CHRM3: variants seen among roughly 807,000 people sequenced by gnomAD.
The protein encoded by CHRM3 is muscarinic acetylcholine receptor M3.
CHRM3 carries 11 observed loss-of-function variants against 41.8 expected under a neutral mutation model. The ratio of observed to expected loss-of-function variants is 0.26; its 90% CI spans 0.17 to 0.44. The LOEUF (loss-of-function observed/expected upper bound fraction) is 0.44, where lower values mean the gene tolerates loss of function less well. CHRM3 is among the 20% of genes least tolerant of loss of function. The pLI is 1.00. For synonymous variants in CHRM3, 297 were observed against 301.4 expected, an observed-to-expected ratio of 0.99 and a Z score of 0.15; for missense variants, 571 against 745.4, an observed-to-expected ratio of 0.77 and a Z score of 2.72.
chr1:239,781,411 C>T (rs928846801), intron 5 of CHRM3, among the ~76,000 whole-genome samples: 3 of 152,152 alleles, frequency 2.0e-5, no homozygotes, highest in Non-Finnish European at 2.9e-5. Flanking sequence ...ATTGCTAGTA[C>T]AGGAAAGCAA....
At chr1:239,618,590 A>G (rs913588105) in intron 3 of CHRM3, among the ~76,000 whole-genome samples, 1 of 151,856 alleles carries the variant, frequency 6.6e-6, no homozygotes, top group Non-Finnish European at 1.5e-5. Flanking sequence ...CACGCCTGTA[A>G]TCCCAGCACT....
At chr1:239,693,704 C>T (rs1275298359) in intron 5 of CHRM3, among the ~76,000 whole-genome samples, 1 of 152,046 alleles carries the variant, frequency 6.6e-6, no homozygotes, top group East Asian at 1.9e-4. Context: ...ATAGTGGGGG[C>T]AAGGTGAGGG....
At chr1:239,433,920 A>G (rs1663030153) in intron 1 of CHRM3, among the ~76,000 whole-genome samples, 1 of 152,172 alleles carries the variant, frequency 6.6e-6, no homozygotes, top group African/African-American at 2.4e-5. Flanking sequence ...GCTGCTATAA[A>G]CATGCATGTC....
At chr1:239,652,641 G>GAAA (rs5782088) in intron 4 of CHRM3, among the ~76,000 whole-genome samples, 1 of 149,198 alleles carries the variant, frequency 6.7e-6, no homozygotes. Flanking sequence ...ACTATGACAG[G>GAAA]AAAAAAAAAA....
At chr1:239,414,984 T>C (rs1231567153) in intron 1 of CHRM3, among the ~76,000 whole-genome samples, 1 of 152,216 alleles carries the variant, frequency 6.6e-6, no homozygotes, top group East Asian at 1.9e-4. Flanking sequence ...TAATGTTTAA[T>C]AGCTGAATAT....
At chr1:239,660,653 C>G (rs1673111006) in intron 4 of CHRM3, among the ~76,000 whole-genome samples, 2 of 152,026 alleles carry the variant, frequency 1.3e-5, no homozygotes, top group African/African-American at 4.8e-5. Context: ...GAGGCTGAGA[C>G]AGGGGGATCA....
intron 1 of CHRM3, among the ~76,000 whole-genome samples, chr1:239,490,368 G>C (rs1667476240): frequency 6.6e-6 from 1 of 152,226 alleles, no homozygotes; most frequent in Admixed American, 6.5e-5. Flanking sequence ...AGTGAAAGGA[G>C]CAAACAAAGG....
In CHRM3 at chr1:239,650,129, G is replaced by A. The variant is rs529570060; in HGVS notation, c.-250+17843G>A. Among the ~76,000 whole-genome samples, 7 of 152,288 alleles carry A rather than the reference G, an allele frequency of 4.6e-5. No individual in the cohort carries two copies. In the East Asian group the frequency reaches 1.2e-3, roughly 25 times the overall value. The stretch of plus-strand genomic sequence containing the variant: ...TGCAAGAGCCCAGGCTCTGGAGTTG[G>A]CTCTCAGCTCTGTCAGTAACTGATG... On this transcript the variant is annotated intron_variant, in intron 4 of 6. Coordinates refer to ENST00000676153, the MANE Select transcript of CHRM3 (RefSeq NM_001375978.1).
At chr1:239,483,134 CTAAT>C (rs962504819) in intron 1 of CHRM3, among the ~76,000 whole-genome samples, 10 of 152,168 alleles carry the variant, frequency 6.6e-5, no homozygotes, top group African/African-American at 2.2e-4. Flanking sequence ...TTAAAATAGC[CTAAT>C]TAACAGTCTT....
At chr1:239,759,174 TTTTTTTTG>T (rs1558518523) in intron 5 of CHRM3, among the ~76,000 whole-genome samples, 1 of 144,768 alleles carries the variant, frequency 6.9e-6, no homozygotes, top group African/African-American at 2.7e-5. Context: ...TTTTTGTTTT[TTTTTTTTG>T]TTTTTTTTTT....
At chr1:239,422,879 C>T (rs577330864) in intron 1 of CHRM3, among the ~76,000 whole-genome samples, 2 of 151,794 alleles carry the variant, frequency 1.3e-5, no homozygotes, top group Middle Eastern at 6.8e-3. Flanking sequence ...AAGAAGAAAA[C>T]CCATTAACAC....
chr1:239,416,629 G>T (rs1420554769), intron 1 of CHRM3, among the ~76,000 whole-genome samples: 1 of 152,046 alleles, frequency 6.6e-6, no homozygotes, highest in Non-Finnish European at 1.5e-5. Context: ...TTTATGTCAA[G>T]AGGAAAAGGT....
chr1:239,881,975 G>A (rs10926001), intron 6 of CHRM3, among the ~76,000 whole-genome samples: 74,374 of 150,454 alleles, frequency 0.49, 19,742 homozygotes, highest in East Asian at 0.64. Flanking sequence ...GTGCCATCTT[G>A]GCTCACTGCA....
chr1:239,459,902 A>G (rs1349722315), intron 1 of CHRM3, among the ~76,000 whole-genome samples: 1 of 152,204 alleles, frequency 6.6e-6, no homozygotes, highest in African/African-American at 2.4e-5. Context: ...CAACATTTGA[A>G]GTATTCATTT....
intron 6 of CHRM3, among the ~76,000 whole-genome samples, chr1:239,857,367 G>C (rs747198234): frequency 6.6e-6 from 1 of 152,010 alleles, no homozygotes; most frequent in East Asian, 1.9e-4. Flanking sequence ...AAACTAAGGA[G>C]CCTTTCCCAA....
chr1:239,471,910 G>T lies in CHRM3; in HGVS notation c.-520-20799G>T, dbSNP rs74931438. On this transcript the variant is annotated intron_variant, in intron 1 of 6. Coordinates refer to ENST00000676153, the MANE Select transcript of CHRM3 (RefSeq NM_001375978.1). Reference sequence around the variant, plus strand: ...TGTGATTGACTGCGGGGAGGCCTGAGAAATCACACACAGGTTATTATCCAC... The same window carrying T: ...TGTGATTGACTGCGGGGAGGCCTGATAAATCACACACAGGTTATTATCCAC... 7.5e-3 allele frequency among the ~76,000 whole-genome samples: 1,143 copies of T among 152,276 alleles called. 14 individuals carry two copies. Among genetic ancestry groups the T allele is most frequent in the African/African-American group, 0.027 (1,102 of 41,544 alleles).
intron 5 of CHRM3, among the ~76,000 whole-genome samples, chr1:239,721,931 C>CT (rs1663012814): frequency 6.6e-6 from 1 of 151,580 alleles, no homozygotes; most frequent in African/African-American, 2.4e-5. Context: ...AGGACAGTGA[C>CT]TTTTTTTTAA....
At chr1:239,612,000 G>T (rs1428113381) in intron 3 of CHRM3, among the ~76,000 whole-genome samples, 1 of 152,106 alleles carries the variant, frequency 6.6e-6, no homozygotes, top group Non-Finnish European at 1.5e-5. Flanking sequence ...TAAAATAACT[G>T]CTGGATCACA....
rs1680433188 is a variant in CHRM3 at position 239,912,689 on chromosome 1, C to T, written c.*3465C>T. 1 of 167,174 alleles carries T rather than the reference C, an allele frequency of 6.0e-6. No individual in the cohort carries two copies. The highest frequency in any genetic ancestry group is 2.1e-4 in the South Asian group (1 of 4,826). 10.4% of individuals were successfully genotyped at this position (167,174 alleles called of 1,614,324 possible). ...TCTGTCACAGCGGAGAAGTCTAATACCAGAGTGGCACAGAGAAGGATTCCA... is the reference window on the plus strand; with the variant it reads ...TCTGTCACAGCGGAGAAGTCTAATATCAGAGTGGCACAGAGAAGGATTCCA... On this transcript the variant is annotated 3_prime_UTR_variant, in exon 7 of 7. Coordinates refer to ENST00000676153, the MANE Select transcript of CHRM3 (RefSeq NM_001375978.1).
Sources: allele counts gnomAD v4.1 joint callset (sites outside exome capture counted in the v4.1 genomes callset), GRCh38; gene constraint gnomAD v4.1.1; transcripts MANE v1.5; gene names NCBI Gene and HGNC (gene_info 2026-07-23, HGNC 2026-07-21).